Variants in GRID2 observed in about 807,000 individuals in gnomAD.
GRID2 encodes glutamate receptor ionotropic, delta-2.
Under a neutral mutation model 114.8 loss-of-function variants are expected in GRID2, and 33 were observed. The ratio of observed to expected loss-of-function variants is 0.29; its 90% CI spans 0.22 to 0.38. GRID2 has a LOEUF of 0.38. GRID2 is among the 10% of genes least tolerant of loss of function. GRID2 has a pLI of 1.00. For missense variants in GRID2, 1,184 were observed against 1,257.7 expected, an observed-to-expected ratio of 0.94 and a Z score of 0.89; for synonymous variants, 505 against 449.9, an observed-to-expected ratio of 1.12 and a Z score of -1.55.
intron 2 of GRID2, among the ~76,000 whole-genome samples, chr4:92,908,256 A>G (rs929570869): frequency 6.6e-6 from 1 of 152,178 alleles, no homozygotes; most frequent in African/African-American, 2.4e-5. Context: ...TAAAATATTC[A>G]GTATAATTGT....
At chr4:92,991,380 A>G (rs1392296147) in intron 2 of GRID2, among the ~76,000 whole-genome samples, 6 of 152,338 alleles carry the variant, frequency 3.9e-5, no homozygotes, top group African/African-American at 1.2e-4. Context: ...ATAGTAAGCT[A>G]TCAAACTGAC....
chr4:92,828,687 C>T (rs531229190), intron 2 of GRID2, among the ~76,000 whole-genome samples: 1 of 151,952 alleles, frequency 6.6e-6, no homozygotes, highest in Admixed American at 6.6e-5. Context: ...ACATTTTTTT[C>T]TTTTTCTCTT....
intron 1 of GRID2, among the ~76,000 whole-genome samples, chr4:92,558,562 C>T (rs1726973199): frequency 6.6e-6 from 1 of 152,142 alleles, no homozygotes; most frequent in African/African-American, 2.4e-5. Flanking sequence ...CAAGTCCCTG[C>T]TCAAATCCCT....
chr4:92,883,719 A>C (rs950186250), intron 2 of GRID2, among the ~76,000 whole-genome samples: 8 of 152,220 alleles, frequency 5.3e-5, no homozygotes, highest in Non-Finnish European at 8.8e-5. Context: ...GTCAATGAGC[A>C]GTCATAATTT....
intron 8 of GRID2, among the ~76,000 whole-genome samples, chr4:93,340,944 GCCCAAGA>G (rs1245741891): frequency 1.3e-5 from 2 of 151,978 alleles, no homozygotes; most frequent in Non-Finnish European, 2.9e-5. Flanking sequence ...CATTTCCAAG[GCCCAAGA>G]CTCTCCTTGG....
chr4:93,056,730 A>T (rs1727283093), intron 2 of GRID2, among the ~76,000 whole-genome samples: 1 of 151,904 alleles, frequency 6.6e-6, no homozygotes, highest in African/African-American at 2.4e-5. Context: ...TATTGGGTAA[A>T]TTACTTTTCT....
chr4:92,940,412 G>T (rs1751018762), intron 2 of GRID2, among the ~76,000 whole-genome samples: 1 of 147,998 alleles, frequency 6.8e-6, no homozygotes, highest in African/African-American at 2.4e-5. Context: ...TTTGTACATT[G>T]AGTTTGTATC....
At chr4:92,728,357 A>G (rs1250248979) in intron 2 of GRID2, among the ~76,000 whole-genome samples, 2 of 152,108 alleles carry the variant, frequency 1.3e-5, no homozygotes, top group East Asian at 1.9e-4. Flanking sequence ...AGTCTGATTC[A>G]AAGTCTTTTA....
intron 1 of GRID2, among the ~76,000 whole-genome samples, chr4:92,315,385 A>AC (rs1259937188): frequency 6.6e-6 from 1 of 152,124 alleles, no homozygotes; most frequent in Non-Finnish European, 1.5e-5. Flanking sequence ...AATGACTCAC[A>AC]AAAAAAGCAA....
At chr4:93,705,080 A>C (rs1033301967) in intron 14 of GRID2, among the ~76,000 whole-genome samples, 22 of 152,286 alleles carry the variant, frequency 1.4e-4, no homozygotes, top group Middle Eastern at 6.8e-3. Context: ...CAGTGTACAA[A>C]GATTCCTTTT....
intron 8 of GRID2, among the ~76,000 whole-genome samples, chr4:93,275,772 G>C (rs1751990590): frequency 6.6e-6 from 1 of 151,628 alleles, no homozygotes; most frequent in South Asian, 2.1e-4. Context: ...ATCTTCTTTG[G>C]AGAAATGTCC....
rs570879209 is a variant in GRID2 at position 93,625,191 on chromosome 4, C to A, written c.2194-1078C>A. Among the ~76,000 whole-genome samples the A allele has an allele frequency of 2.0e-5, 3 of 152,294 alleles. No homozygotes were observed. In the East Asian group the frequency reaches 5.8e-4, roughly 29 times the overall value. On this transcript the variant is annotated intron_variant, in intron 13 of 15. Coordinates refer to ENST00000282020, the MANE Select transcript of GRID2 (RefSeq NM_001510.4). ...TATACTGAGTGAGTACAGAAGCCCA[C>A]CTGGCTTAGAAGCCTAGTAACCCAA...
chr4:93,404,964 C>T (rs1481363995), intron 9 of GRID2, among the ~76,000 whole-genome samples: 1 of 151,956 alleles, frequency 6.6e-6, no homozygotes, highest in Non-Finnish European at 1.5e-5. Context: ...TTAAGAGTTC[C>T]TTTAGAGACA....
At position 93,626,990 on chromosome 4, in the gene GRID2, A is replaced by G. The variant is rs1004817159; in HGVS notation, c.2360+555A>G. Among the ~76,000 whole-genome samples the G allele has an allele frequency of 2.0e-5, 3 of 152,340 alleles. No individual in the cohort carries two copies. In the East Asian group the frequency reaches 5.8e-4, roughly 29 times the overall value. On this transcript the variant is annotated intron_variant, in intron 14 of 15. Transcript: ENST00000282020. Reference sequence around the variant, plus strand: ...CAAGGAGATAACTTATTGAGACATTATATCCATTTTCAAATCAGAATTTCT... The same window carrying G: ...CAAGGAGATAACTTATTGAGACATTGTATCCATTTTCAAATCAGAATTTCT...
chr4:93,773,713 T>A lies in GRID2; in HGVS notation c.*1215T>A, dbSNP rs918868290. Reference sequence around the variant, plus strand: ...GATATTTGGGGAGGGGTGGGAGCCCTTAAGAACTATTGATGTGGCCTTAAA... The same window carrying A: ...GATATTTGGGGAGGGGTGGGAGCCCATAAGAACTATTGATGTGGCCTTAAA... On this transcript the variant is annotated 3_prime_UTR_variant, in exon 16 of 16. Transcript: ENST00000282020. 2.0e-5 allele frequency: 3 copies of A among 152,080 alleles called. No homozygotes were observed. The highest frequency in any genetic ancestry group is 6.6e-5 in the Admixed American group (1 of 15,264). 9.4% of individuals were successfully genotyped at this position (152,080 alleles called of 1,614,324 possible).
intron 1 of GRID2, among the ~76,000 whole-genome samples, chr4:92,427,964 T>C (rs1330673626): frequency 6.6e-6 from 1 of 152,126 alleles, no homozygotes; most frequent in Admixed American, 6.6e-5. Flanking sequence ...TTAATGCTAA[T>C]AAAAATAATA....
At chr4:93,428,510 A>G (rs1224283670) in intron 10 of GRID2, among the ~76,000 whole-genome samples, 3 of 152,186 alleles carry the variant, frequency 2.0e-5, no homozygotes, top group East Asian at 3.9e-4. Flanking sequence ...CTAAAACTTT[A>G]TAGTCACTGG....
chr4:92,947,817 T>A (rs1296902300), intron 2 of GRID2, among the ~76,000 whole-genome samples: 1 of 151,916 alleles, frequency 6.6e-6, no homozygotes, highest in Non-Finnish European at 1.5e-5. Flanking sequence ...ATCATATATA[T>A]CACAAGCTTT....
chr4:92,721,479 A>T (rs1056344863), intron 2 of GRID2, among the ~76,000 whole-genome samples: 2 of 152,130 alleles, frequency 1.3e-5, no homozygotes, highest in Non-Finnish European at 2.9e-5. Context: ...AGGGAAAATA[A>T]TATATTATTC....
Sources: gnomAD v4.1 joint callset for allele counts (sites outside exome capture counted in the v4.1 genomes callset) on GRCh38, gnomAD v4.1.1 for gene constraint, MANE v1.5 for transcripts, NCBI Gene and HGNC (gene_info 2026-07-23, HGNC 2026-07-21) for gene names.